CSMD1: variants seen among roughly 807,000 people sequenced by gnomAD.
CSMD1 encodes the protein CUB and sushi domain-containing protein 1.
A neutral mutation model predicts 417.5 loss-of-function variants in CSMD1; 213 were observed. The ratio of observed to expected loss-of-function variants is 0.51; its 90% CI spans 0.46 to 0.57. The LOEUF is 0.57. Ranked by LOEUF, CSMD1 falls within the 20% of genes least tolerant of loss-of-function variation. The pLI is 0.00. For missense variants in CSMD1, 6,923 were observed against 4,529.7 expected (o/e 1.53, Z -15.17); for synonymous variants, 2,862 against 1,736.8 (o/e 1.65, Z -16.11).
intron 5 of CSMD1, among the ~76,000 whole-genome samples, chr8:3,817,811 G>A (rs146623580): frequency 8.5e-5 from 13 of 152,148 alleles, no homozygotes; most frequent in East Asian, 1.9e-4. Context: ...TAATAAGCAC[G>A]TGCATCTGGC....
At chr8:4,922,756 G>A (rs577102333) in intron 1 of CSMD1, among the ~76,000 whole-genome samples, 2 of 152,116 alleles carry the variant, frequency 1.3e-5, no homozygotes, top group African/African-American at 4.8e-5. Context: ...TGCCAGAGGT[G>A]TAAAGAAGGC....
Position 3,691,172 on chromosome 8 carries a change from G to C in CSMD1, c.1009+17242C>G, listed in dbSNP as rs536683239. On this transcript the variant is annotated intron_variant, in intron 7 of 69. Coordinates refer to ENST00000635120, the MANE Select transcript of CSMD1 (RefSeq NM_033225.6). Reference sequence around the variant, plus strand: ...ACCTGAGGTCAGGAGTTTGAGACCAGCGTGACCAACATGGTGAAACCACGT... The same window carrying C: ...ACCTGAGGTCAGGAGTTTGAGACCACCGTGACCAACATGGTGAAACCACGT... Among the ~76,000 whole-genome samples the C allele has an allele frequency of 2.0e-5, 3 of 152,166 alleles. No homozygotes were observed. In the East Asian group the frequency reaches 5.8e-4, roughly 29 times the overall value.
intron 2 of CSMD1, among the ~76,000 whole-genome samples, chr8:4,563,319 T>C (rs1369058701): frequency 1.3e-5 from 2 of 152,164 alleles, no homozygotes; most frequent in Non-Finnish European, 2.9e-5. Flanking sequence ...GAGAATGGCG[T>C]GAACCCAGGA....
At chr8:4,420,620 C>T (rs1211227432) in intron 2 of CSMD1, among the ~76,000 whole-genome samples, 1 of 152,002 alleles carries the variant, frequency 6.6e-6, no homozygotes, top group African/African-American at 2.4e-5. Flanking sequence ...ATTGCAAAAC[C>T]ACTGAGTTGG....
chr8:2,980,407 CCTT>C (rs1315966267), intron 54 of CSMD1, among the ~76,000 whole-genome samples: 2 of 151,678 alleles, frequency 1.3e-5, no homozygotes, highest in African/African-American at 2.4e-5. Flanking sequence ...TCCTCCACCT[CCTT>C]GTCCTCTCCT....
intron 2 of CSMD1, among the ~76,000 whole-genome samples, chr8:4,622,766 G>A (rs552184351): frequency 2.0e-5 from 3 of 152,216 alleles, no homozygotes; most frequent in Middle Eastern, 3.4e-3. Context: ...TACTGAAGGA[G>A]CTGGGCATTT....
intron 3 of CSMD1, among the ~76,000 whole-genome samples, chr8:4,223,659 G>A (rs1315411844): frequency 2.0e-5 from 3 of 152,196 alleles, no homozygotes; most frequent in Admixed American, 6.5e-5. Context: ...ACCCCAGTCT[G>A]TCTGTGCTCT....
At chr8:4,567,014 C>G (rs1361503491) in intron 2 of CSMD1, among the ~76,000 whole-genome samples, 1 of 151,980 alleles carries the variant, frequency 6.6e-6, no homozygotes. Context: ...ATGTATTTTT[C>G]AAGGTATTAA....
intron 1 of CSMD1, among the ~76,000 whole-genome samples, chr8:4,649,875 CAAT>C (rs1803774299): frequency 6.6e-6 from 1 of 152,092 alleles, no homozygotes; most frequent in Non-Finnish European, 1.5e-5. Context: ...TTTGGAATTT[CAAT>C]AATATTTGCA....
chr8:3,505,177 T>C (rs1228671215), intron 10 of CSMD1, among the ~76,000 whole-genome samples: 1 of 152,100 alleles, frequency 6.6e-6, no homozygotes, highest in Admixed American at 6.6e-5. Flanking sequence ...GTAGAGTAAG[T>C]ATTAAAAAAT....
chr8:4,680,649 G>T (rs1482447904), intron 1 of CSMD1, among the ~76,000 whole-genome samples: 1 of 152,048 alleles, frequency 6.6e-6, no homozygotes, highest in Non-Finnish European at 1.5e-5. Flanking sequence ...GCATGATCTT[G>T]GCTCACTGCA....
At chr8:3,741,910 CA>C (rs1563330632) in intron 6 of CSMD1, among the ~76,000 whole-genome samples, 1 of 152,048 alleles carries the variant, frequency 6.6e-6, no homozygotes, top group Non-Finnish European at 1.5e-5. Flanking sequence ...TATTCTGGCC[CA>C]AACCTACTTT....
chr8:4,978,325 TC>T (rs1299537466), intron 1 of CSMD1, among the ~76,000 whole-genome samples: 3 of 152,078 alleles, frequency 2.0e-5, no homozygotes, highest in Non-Finnish European at 2.9e-5. Context: ...GTCAGGACAC[TC>T]TAATCTTGGA....
chr8:3,354,011 C>T (rs1808580075), intron 21 of CSMD1, among the ~76,000 whole-genome samples: 1 of 152,190 alleles, frequency 6.6e-6, no homozygotes, highest in Admixed American at 6.5e-5. Context: ...GCCTCAACAA[C>T]AGACAGACGT....
intron 12 of CSMD1, among the ~76,000 whole-genome samples, chr8:3,436,795 C>G (rs1034959061): frequency 2.6e-5 from 4 of 152,200 alleles, no homozygotes; most frequent in East Asian, 3.9e-4. Context: ...CTTCTCTTCT[C>G]AAAACAAACA....
At chr8:3,714,711 T>A (rs1045436032) in intron 6 of CSMD1, among the ~76,000 whole-genome samples, 1 of 152,086 alleles carries the variant, frequency 6.6e-6, no homozygotes, top group South Asian at 2.1e-4. Context: ...TACTCCAGCC[T>A]GGGCCACACA....
chr8:3,607,110 T>A (rs559630496), intron 8 of CSMD1, among the ~76,000 whole-genome samples: 9 of 152,344 alleles, frequency 5.9e-5, no homozygotes, highest in African/African-American at 1.7e-4. Context: ...TTCTTAATAT[T>A]TTTATTTCAC....
intron 3 of CSMD1, among the ~76,000 whole-genome samples, chr8:4,160,085 TA>T (rs61002277): frequency 0.042 from 5,088 of 120,068 alleles, 299 homozygotes; most frequent in African/African-American, 0.14. Flanking sequence ...GTATGGAATT[TA>T]AAAAAAAAAA....
At chr8:3,936,004 G>C (rs1353997583) in intron 5 of CSMD1, among the ~76,000 whole-genome samples, 3 of 152,152 alleles carry the variant, frequency 2.0e-5, no homozygotes, top group Admixed American at 6.6e-5. Context: ...GAATGCAAAT[G>C]ATAAGAAAGG....
Sources: gnomAD v4.1 joint callset for allele counts (sites outside exome capture counted in the v4.1 genomes callset) on GRCh38, gnomAD v4.1.1 for gene constraint, MANE v1.5 for transcripts, NCBI Gene and HGNC (gene_info 2026-07-23, HGNC 2026-07-21) for gene names.